The following RGS6 variants were observed in gnomAD, a reference collection of about 807,000 sequenced individuals.
The protein encoded by RGS6 is regulator of G protein signaling 6.
Under a neutral mutation model 78.5 loss-of-function variants are expected in RGS6, and 30 were observed. That is an observed-to-expected ratio of 0.38 (90% CI 0.29 to 0.52). RGS6 has a LOEUF of 0.52. Among genes scored for constraint, RGS6 ranks in the 20% least tolerant of loss-of-function variants. The probability of loss-of-function intolerance (pLI) is 0.85; values close to 1 mark genes in which losing one functional copy is unlikely to be tolerated. For missense variants in RGS6, 495 were observed against 609.7 expected (o/e 0.81, Z 1.98); for synonymous variants, 206 against 206.0 (o/e 1.00, Z 0.00).
At chr14:72,463,350 A>C (rs953160806) in intron 6 of RGS6, among the ~76,000 whole-genome samples, 4 of 152,180 alleles carry the variant, frequency 2.6e-5, no homozygotes, top group Admixed American at 1.3e-4. Context: ...TAGTGAGGGC[A>C]CTCTGGGATG....
chr14:72,318,599 G>A (rs1189172809), intron 2 of RGS6, among the ~76,000 whole-genome samples: 1 of 152,162 alleles, frequency 6.6e-6, no homozygotes, highest in Non-Finnish European at 1.5e-5. Context: ...AAATGCAGTG[G>A]AACGAAAGCT....
At chr14:72,512,670 C>T (rs1407896904) in intron 14 of RGS6, among the ~76,000 whole-genome samples, 1 of 152,224 alleles carries the variant, frequency 6.6e-6, no homozygotes, top group African/African-American at 2.4e-5. Context: ...CTCTAAAATC[C>T]TCTCTGGATG....
chr14:71,936,030 A>ATATATATACATATATATACATATATATG (rs781759305), intron 1 of RGS6, among the ~76,000 whole-genome samples: 1 of 133,222 alleles, frequency 7.5e-6, no homozygotes, highest in Non-Finnish European at 1.6e-5. Context: ...ATATATATAT[A>ATATATATACATATATATACATATATATG]TATATATATA....
intron 2 of RGS6, among the ~76,000 whole-genome samples, chr14:72,088,406 G>C (rs1338481665): frequency 6.6e-6 from 1 of 152,152 alleles, no homozygotes; most frequent in African/African-American, 2.4e-5. Flanking sequence ...TCTCAGCTCA[G>C]CGTTCACCAC....
At chr14:72,373,372 A>G (rs559705318) in intron 3 of RGS6, among the ~76,000 whole-genome samples, 2 of 152,192 alleles carry the variant, frequency 1.3e-5, no homozygotes, top group Admixed American at 6.5e-5. Context: ...TGTTCTGGTC[A>G]CACAGCCATA....
At chr14:72,376,172 A>G (rs2084663389) in intron 3 of RGS6, among the ~76,000 whole-genome samples, 1 of 152,242 alleles carries the variant, frequency 6.6e-6, no homozygotes. Flanking sequence ...ATCATTTAAA[A>G]TGAACCAAAT....
At chr14:72,485,909 T>A (rs2096480712) in intron 12 of RGS6, among the ~76,000 whole-genome samples, 1 of 152,222 alleles carries the variant, frequency 6.6e-6, no homozygotes, top group Non-Finnish European at 1.5e-5. Flanking sequence ...GCCCTTGAAC[T>A]TTGTGACTAT....
chr14:72,002,230 T>C (rs1306245819), intron 2 of RGS6, among the ~76,000 whole-genome samples: 1 of 152,070 alleles, frequency 6.6e-6, no homozygotes, highest in African/African-American at 2.4e-5. Context: ...TATTGAGAGA[T>C]AGGCACCCCA....
intron 3 of RGS6, among the ~76,000 whole-genome samples, chr14:72,374,581 A>G (rs1165449999): frequency 6.6e-6 from 1 of 152,244 alleles, no homozygotes; most frequent in Non-Finnish European, 1.5e-5. Context: ...AAGCAAACAC[A>G]TCTCCTCTCT....
chr14:71,869,297 T>G, the RGS6 span, among the ~76,000 whole-genome samples: 1 of 152,204 alleles, frequency 6.6e-6, no homozygotes, highest in Non-Finnish European at 1.5e-5. Flanking sequence ...CAAGTAGGTT[T>G]CTTATCTGCA....
chr14:72,361,579 A>G (rs1197603306), intron 3 of RGS6, among the ~76,000 whole-genome samples: 1 of 152,206 alleles, frequency 6.6e-6, no homozygotes, highest in African/African-American at 2.4e-5. Context: ...AACCATAGGA[A>G]CAAGGCATTG....
At chr14:72,157,511 T>A (rs959905530) in intron 2 of RGS6, among the ~76,000 whole-genome samples, 15 of 152,226 alleles carry the variant, frequency 9.9e-5, no homozygotes, top group Non-Finnish European at 7.3e-5. Context: ...TTCTGAGAGA[T>A]GATTTCCCAG....
the RGS6 span, among the ~76,000 whole-genome samples, chr14:72,588,942 C>A: frequency 1.3e-4 from 20 of 152,052 alleles, no homozygotes; most frequent in Non-Finnish European, 8.8e-5. Flanking sequence ...TGCCAGCATG[C>A]CCCCCCAACT....
chr14:72,353,467 A>G (rs2079537685), intron 3 of RGS6, among the ~76,000 whole-genome samples: 1 of 152,208 alleles, frequency 6.6e-6, no homozygotes, highest in Non-Finnish European at 1.5e-5. Flanking sequence ...AAGCAGTCTC[A>G]AAGGTTACAT....
chr14:72,476,140 A>G lies in RGS6; in HGVS notation c.694-602A>G, dbSNP rs571858937. 1.1e-4 allele frequency among the ~76,000 whole-genome samples: 17 copies of G among 152,322 alleles called. 1 individual carries two copies. In the South Asian group the frequency reaches 3.3e-3, roughly 30 times the overall value. ...GTTTAGTCTTTCCGTAATACGAGGA[A>G]CAGCTTTAAATGTAGCTATAGCTAC... On this transcript the variant is annotated intron_variant, in intron 10 of 17. Coordinates refer to ENST00000553525, the MANE Select transcript of RGS6 (RefSeq NM_001204424.2).
intron 2 of RGS6, among the ~76,000 whole-genome samples, chr14:72,101,760 C>A (rs914819999): frequency 6.6e-6 from 1 of 152,174 alleles, no homozygotes. Context: ...ATCTCTACCC[C>A]CAGTGTGATG....
chr14:72,281,980 A>T (rs1401247673), intron 2 of RGS6, among the ~76,000 whole-genome samples: 3 of 152,200 alleles, frequency 2.0e-5, no homozygotes, highest in Non-Finnish European at 4.4e-5. Context: ...GGTATTTTTT[A>T]AAAAATCACT....
chr14:72,512,923 T>C (rs970718204), intron 14 of RGS6, among the ~76,000 whole-genome samples: 19 of 152,224 alleles, frequency 1.2e-4, no homozygotes, highest in Admixed American at 7.2e-4. Flanking sequence ...GCTATACAGA[T>C]GCACCTCCAC....
intron 2 of RGS6, among the ~76,000 whole-genome samples, chr14:72,252,442 T>C (rs963135808): frequency 4.6e-5 from 7 of 152,184 alleles, no homozygotes; most frequent in African/African-American, 1.7e-4. Context: ...GTGAATTTAG[T>C]GCTGATCCCA....
Sources: allele counts gnomAD v4.1 joint callset (sites outside exome capture counted in the v4.1 genomes callset), GRCh38; gene constraint gnomAD v4.1.1; transcripts MANE v1.5; gene names NCBI Gene and HGNC (gene_info 2026-07-23, HGNC 2026-07-21).